The following FOXP2 variants were observed in gnomAD, a reference collection of about 807,000 sequenced individuals.
FOXP2 encodes forkhead box protein P2.
A neutral mutation model predicts 115.8 loss-of-function variants in FOXP2; 12 were observed. That is an observed-to-expected ratio of 0.10 (90% CI 0.07 to 0.17). The LOEUF (loss-of-function observed/expected upper bound fraction) is 0.17. Ranked by LOEUF, FOXP2 falls within the 10% of genes least tolerant of loss-of-function variation. The pLI, the probability that FOXP2 is intolerant of heterozygous loss-of-function variation, is 1.00. For synonymous variants in FOXP2, 328 were observed against 297.7 expected, an observed-to-expected ratio of 1.10 and a Z score of -1.05; for missense variants, 629 against 843.5, an observed-to-expected ratio of 0.75 and a Z score of 3.15.
At chr7:114,416,983 A>G (rs1793377360) in intron 1 of FOXP2, among the ~76,000 whole-genome samples, 1 of 151,994 alleles carries the variant, frequency 6.6e-6, no homozygotes, top group Non-Finnish European at 1.5e-5. Flanking sequence ...GCATTGAAAT[A>G]CTAATAATCT....
chr7:114,096,338 C>A (rs1799651701), intron 1 of FOXP2, among the ~76,000 whole-genome samples: 1 of 152,144 alleles, frequency 6.6e-6, no homozygotes, highest in Admixed American at 6.5e-5. Flanking sequence ...TTTGTTATCC[C>A]AAATAAAATG....
At position 114,399,866 on chromosome 7, in the gene FOXP2, T is replaced by C. The variant is rs76771475; in HGVS notation, c.-10-26636T>C. Among the ~76,000 whole-genome samples, 6 of 149,988 alleles carry C rather than the reference T, an allele frequency of 4.0e-5. No individual in the cohort carries two copies. In the East Asian group the frequency reaches 7.8e-4, roughly 19 times the overall value. On this transcript the variant is annotated intron_variant, in intron 2 of 17. Transcript: ENST00000634411. ...ATCATTTTCTTTTTTTTTTTTTTTT[T>C]CCTTTTTTGAGACAGAGTCTCACTC... is the stretch of plus-strand genomic sequence containing the variant.
At chr7:114,262,007 C>T (rs906045302) in intron 1 of FOXP2, among the ~76,000 whole-genome samples, 2 of 151,892 alleles carry the variant, frequency 1.3e-5, no homozygotes, top group African/African-American at 2.4e-5. Flanking sequence ...GCAGTGAGCC[C>T]GGATCACGCC....
chr7:114,167,385 G>A (rs1221126036), intron 1 of FOXP2, among the ~76,000 whole-genome samples: 1 of 152,182 alleles, frequency 6.6e-6, no homozygotes, highest in African/African-American at 2.4e-5. Context: ...TTTTGTGGTG[G>A]TTCACTTTGT....
At chr7:114,420,018 G>C (rs1208052274) in intron 1 of FOXP2, 1 of 152,062 alleles carries the variant, frequency 6.6e-6, no homozygotes, top group African/African-American at 2.4e-5. Flanking sequence ...AGTAAAAAGT[G>C]CTGAAAGGGC....
intron 2 of FOXP2, among the ~76,000 whole-genome samples, chr7:114,392,779 A>G (rs758866114): frequency 1.3e-5 from 2 of 152,192 alleles, no homozygotes; most frequent in Non-Finnish European, 2.9e-5. Context: ...TTCCCAGGTC[A>G]TGTCATTCAG....
intron 2 of FOXP2, among the ~76,000 whole-genome samples, chr7:114,483,883 C>T (rs1409636752): frequency 1.3e-5 from 2 of 151,558 alleles, no homozygotes; most frequent in Non-Finnish European, 3.0e-5. Flanking sequence ...TAAAGCAGTC[C>T]TGGAACATCC....
At chr7:114,419,699 C>G (rs1222205634) in intron 1 of FOXP2, 1 of 150,474 alleles carries the variant, frequency 6.6e-6, no homozygotes, top group African/African-American at 2.5e-5. Context: ...TGACAGGTCG[C>G]TTACATACAC....
At chr7:114,294,577 A>G (rs1459451744) in intron 2 of FOXP2, among the ~76,000 whole-genome samples, 1 of 152,178 alleles carries the variant, frequency 6.6e-6, no homozygotes, top group Non-Finnish European at 1.5e-5. Context: ...GTGGTGGCTT[A>G]CACCTGTAAT....
chr7:114,230,590 A>G (rs78802433), intron 1 of FOXP2, among the ~76,000 whole-genome samples: 1,734 of 152,146 alleles, frequency 0.011, 16 homozygotes, highest in Middle Eastern at 0.044. Flanking sequence ...TAAATGTGAT[A>G]TAACACATTA....
intron 1 of FOXP2, among the ~76,000 whole-genome samples, chr7:114,113,902 A>G (rs1791337515): frequency 1.3e-5 from 2 of 152,104 alleles, no homozygotes; most frequent in South Asian, 4.1e-4. Context: ...AACTTGAGAA[A>G]GGGTTGAAAA....
intron 15 of FOXP2, 86 bp from the exon 16 acceptor site, chr7:114,664,187 G>A: frequency 7.2e-7 from 1 of 1,394,538 alleles, no homozygotes; most frequent in Admixed American, 1.8e-5. Flanking sequence ...TTTCCTTATT[G>A]GAACCCATTA....
At chr7:114,280,197 T>C (rs1796296066) in intron 1 of FOXP2, among the ~76,000 whole-genome samples, 1 of 152,064 alleles carries the variant, frequency 6.6e-6, no homozygotes, top group African/African-American at 2.4e-5. Flanking sequence ...ACTGAGCACA[T>C]GCCCCCGTAG....
intron 1 of FOXP2, among the ~76,000 whole-genome samples, chr7:114,262,715 G>A (rs1053619037): frequency 1.3e-5 from 2 of 152,114 alleles, no homozygotes; most frequent in African/African-American, 4.8e-5. Flanking sequence ...AGACAATGCA[G>A]GTCTAGTGTA....
intron 2 of FOXP2, among the ~76,000 whole-genome samples, chr7:114,326,680 G>C (rs947928958): frequency 6.6e-6 from 1 of 152,100 alleles, no homozygotes; most frequent in Non-Finnish European, 1.5e-5. Flanking sequence ...GTATTTACCA[G>C]ATATTGATAG....
intron 2 of FOXP2, among the ~76,000 whole-genome samples, chr7:114,371,745 A>G (rs1412625093): frequency 6.6e-6 from 1 of 152,128 alleles, no homozygotes; most frequent in Non-Finnish European, 1.5e-5. Flanking sequence ...GGTATATAGT[A>G]ACTACTAAAT....
At chr7:114,103,640 T>A (rs1264750250) in intron 1 of FOXP2, among the ~76,000 whole-genome samples, 1 of 152,080 alleles carries the variant, frequency 6.6e-6, no homozygotes, top group Admixed American at 6.6e-5. Flanking sequence ...AAATCCACAA[T>A]ACTCAGCTAG....
chr7:114,570,350 G>A (rs1046182793), intron 3 of FOXP2, among the ~76,000 whole-genome samples: 20 of 151,814 alleles, frequency 1.3e-4, no homozygotes, highest in African/African-American at 4.3e-4. Flanking sequence ...ACATGACATG[G>A]TAGGACAGGA....
chr7:114,542,727 G>A (rs1397777918), intron 3 of FOXP2, among the ~76,000 whole-genome samples: 5 of 151,984 alleles, frequency 3.3e-5, no homozygotes, highest in Non-Finnish European at 7.4e-5. Context: ...GCTGAATTTG[G>A]AAGCACAGCA....
Sources: allele counts gnomAD v4.1 joint callset (sites outside exome capture counted in the v4.1 genomes callset), GRCh38; gene constraint gnomAD v4.1.1; transcripts MANE v1.5; gene names NCBI Gene and HGNC (gene_info 2026-07-23, HGNC 2026-07-21).